CEP112: variants seen among roughly 807,000 people sequenced by gnomAD.
CEP112 encodes the protein centrosomal protein 112, also known as centrosomal protein of 112 kDa.
A neutral mutation model predicts 153.0 loss-of-function variants in CEP112; 127 were observed. That is an observed-to-expected ratio of 0.83 (90% CI 0.72 to 0.96). CEP112 has a LOEUF of 0.96. Ranked by LOEUF, CEP112 falls within the 40% of genes least tolerant of loss-of-function variation. The probability of loss-of-function intolerance (pLI) is 0.00; values close to 1 mark genes in which losing one functional copy is unlikely to be tolerated. For synonymous variants in CEP112, 358 were observed against 374.4 expected (o/e 0.96, Z 0.51); for missense variants, 1,089 against 1,101.2 (o/e 0.99, Z 0.16).
intron 21 of CEP112, among the ~76,000 whole-genome samples, chr17:65,814,687 AC>A (rs2056173518): frequency 6.6e-6 from 1 of 152,130 alleles, no homozygotes; most frequent in Non-Finnish European, 1.5e-5. Flanking sequence ...GGAATTGCAA[AC>A]CTATAAAATT....
intron 12 of CEP112, among the ~76,000 whole-genome samples, chr17:66,036,651 G>C (rs1209382832): frequency 6.6e-6 from 1 of 152,112 alleles, no homozygotes; most frequent in Non-Finnish European, 1.5e-5. Flanking sequence ...TAGGAAAATT[G>C]ATTAACGTGG....
chr17:66,086,005 A>C (rs2067913767), intron 8 of CEP112, among the ~76,000 whole-genome samples: 1 of 151,748 alleles, frequency 6.6e-6, no homozygotes, highest in African/African-American at 2.4e-5. Flanking sequence ...AAAGCAATGA[A>C]ATGGTCTATA....
At chr17:65,671,526 C>T (rs2046980892) in intron 24 of CEP112, among the ~76,000 whole-genome samples, 1 of 152,180 alleles carries the variant, frequency 6.6e-6, no homozygotes, top group African/African-American at 2.4e-5. Context: ...TGGAGATAAA[C>T]TCTGTTCATC....
intron 22 of CEP112, among the ~76,000 whole-genome samples, chr17:65,745,473 A>C (rs2051389980): frequency 6.6e-6 from 1 of 152,244 alleles, no homozygotes; most frequent in Admixed American, 6.5e-5. Flanking sequence ...ACAGTCACAG[A>C]GCCAGAGGAG....
At chr17:65,709,488 T>C (rs2049071360) in intron 23 of CEP112, among the ~76,000 whole-genome samples, 1 of 152,096 alleles carries the variant, frequency 6.6e-6, no homozygotes, top group Non-Finnish European at 1.5e-5. Flanking sequence ...TATGAAACCA[T>C]CGGATCTCGT....
intron 23 of CEP112, among the ~76,000 whole-genome samples, chr17:65,729,909 T>C (rs112409588): frequency 0.25 from 30,923 of 123,740 alleles, 3,813 homozygotes; most frequent in South Asian, 0.37. Context: ...CGAGATCCTG[T>C]CTCAAACAAA....
At chr17:65,970,007 T>C (rs1344506642) in intron 17 of CEP112, among the ~76,000 whole-genome samples, 4 of 152,102 alleles carry the variant, frequency 2.6e-5, no homozygotes, top group Non-Finnish European at 5.9e-5. Context: ...ACATATCACA[T>C]GTGTATTGCG....
intron 23 of CEP112, among the ~76,000 whole-genome samples, chr17:65,700,768 T>C (rs2048591042): frequency 1.3e-5 from 2 of 152,118 alleles, no homozygotes; most frequent in African/African-American, 4.8e-5. Context: ...TGGAAAATGG[T>C]GGCAGGGAGG....
intron 18 of CEP112, among the ~76,000 whole-genome samples, chr17:65,950,700 T>TATTATTATTATTATTATC (rs1555727506): frequency 4.3e-5 from 1 of 23,412 alleles, no homozygotes; most frequent in Non-Finnish European, 9.6e-5. Context: ...GATACATTAC[T>TATTATTATTATTATTATC]AGTAGTAGTA....
Position 65,757,562 on chromosome 17 carries a change from G to C in CEP112, c.2395-6838C>G, listed in dbSNP as rs189194712. ...CAATGCTGAATTTAAAATGAGGCCA[G>C]TCTGTACAGAAGCACTTCTGGAATT... is the stretch of plus-strand genomic sequence containing the variant. On this transcript the variant is annotated intron_variant, in intron 21 of 26. Coordinates refer to ENST00000535342, the MANE Select transcript of CEP112 (RefSeq NM_001199165.4). Among the ~76,000 whole-genome samples, 372 of 152,326 alleles carry C rather than the reference G, an allele frequency of 2.4e-3. 2 individuals are homozygous for C. The highest frequency in any genetic ancestry group is 6.2e-3 in the Admixed American group (95 of 15,304).
At chr17:65,672,107 G>A (rs1489679392) in intron 24 of CEP112, among the ~76,000 whole-genome samples, 1 of 152,102 alleles carries the variant, frequency 6.6e-6, no homozygotes. Context: ...TGAGACAACT[G>A]TAATACTCCT....
At chr17:65,701,226 G>A (rs1413462896) in intron 23 of CEP112, among the ~76,000 whole-genome samples, 1 of 152,190 alleles carries the variant, frequency 6.6e-6, no homozygotes, top group Admixed American at 6.5e-5. Flanking sequence ...AGGTTGCAGG[G>A]CTTGGTCATG....
At chr17:65,660,351 G>A (rs1384119212) in intron 24 of CEP112, among the ~76,000 whole-genome samples, 6 of 65,114 alleles carry the variant, frequency 9.2e-5, no homozygotes, top group African/African-American at 1.4e-4. Context: ...TTTCTCTCTC[G>A]TTCCTTCCTC....
At chr17:65,809,535 T>C (rs189781340) in intron 21 of CEP112, among the ~76,000 whole-genome samples, 1 of 152,220 alleles carries the variant, frequency 6.6e-6, no homozygotes, top group Admixed American at 6.5e-5. Context: ...AGTGGTTTGA[T>C]GTAAGATATA....
chr17:65,655,424 A>AT, intron 24 of CEP112: 1 of 1,380,602 alleles, frequency 7.2e-7, no homozygotes, highest in Non-Finnish European at 1.0e-6. Flanking sequence ...TGAAGATAAC[A>AT]TTTTGTCTTT....
At chr17:65,981,903 TA>T (rs1390082838) in intron 17 of CEP112, among the ~76,000 whole-genome samples, 4 of 152,052 alleles carry the variant, frequency 2.6e-5, no homozygotes, top group Non-Finnish European at 1.5e-5. Context: ...TGCAAATATA[TA>T]AAAAAATTTA....
At chr17:65,675,561 A>T (rs1276396806) in intron 24 of CEP112, among the ~76,000 whole-genome samples, 1 of 152,190 alleles carries the variant, frequency 6.6e-6, no homozygotes, top group African/African-American at 2.4e-5. Context: ...TCTTCCAGAA[A>T]ACAGAGACAG....
chr17:65,680,642 T>A (rs1026682620), intron 24 of CEP112, among the ~76,000 whole-genome samples: 1 of 152,130 alleles, frequency 6.6e-6, no homozygotes, highest in African/African-American at 2.4e-5. Flanking sequence ...GGGAGTTTGA[T>A]GGAAAAAGCT....
At chr17:66,007,189 G>A (rs896643482) in intron 16 of CEP112, among the ~76,000 whole-genome samples, 3 of 152,086 alleles carry the variant, frequency 2.0e-5, no homozygotes, top group Non-Finnish European at 2.9e-5. Context: ...AGCTTCTATG[G>A]GCTGCTATGA....
Sources: gnomAD v4.1 joint callset for allele counts (sites outside exome capture counted in the v4.1 genomes callset) on GRCh38, gnomAD v4.1.1 for gene constraint, MANE v1.5 for transcripts, NCBI Gene and HGNC (gene_info 2026-07-23, HGNC 2026-07-21) for gene names.